The following KCNC2 variants were observed in gnomAD, a reference collection of about 807,000 sequenced individuals.
The protein encoded by KCNC2 is voltage-gated potassium channel KCNC2.
A neutral mutation model predicts 44.5 loss-of-function variants in KCNC2; 21 were observed. That is an observed-to-expected ratio of 0.47 (90% confidence interval 0.33 to 0.68). KCNC2 has a LOEUF of 0.68. Among genes scored for constraint, KCNC2 ranks in the 30% least tolerant of loss-of-function variants. The pLI, the probability that KCNC2 is intolerant of heterozygous loss-of-function variation, is 0.01. For synonymous variants in KCNC2, 391 were observed against 339.1 expected (o/e 1.15, Z -1.68); for missense variants, 589 against 826.2 (o/e 0.71, Z 3.52).
At chr12:75,106,190 T>C (rs1300267465) in intron 2 of KCNC2, among the ~76,000 whole-genome samples, 2 of 152,264 alleles carry the variant, frequency 1.3e-5, no homozygotes, top group African/African-American at 4.8e-5. Context: ...TTAACCTTAG[T>C]TTTAGCTAAG....
chr12:75,138,268 A>G (rs1475453599), intron 2 of KCNC2, among the ~76,000 whole-genome samples: 1 of 152,182 alleles, frequency 6.6e-6, no homozygotes, highest in Non-Finnish European at 1.5e-5. Flanking sequence ...TACCCACTAC[A>G]AAAAGCTCTA....
chr12:75,135,243 C>A (rs1889143872), intron 2 of KCNC2, among the ~76,000 whole-genome samples: 1 of 147,430 alleles, frequency 6.8e-6, no homozygotes, highest in African/African-American at 2.5e-5. Context: ...TTGTTTCTGG[C>A]AAAAATGTAA....
intron 2 of KCNC2, among the ~76,000 whole-genome samples, chr12:75,182,556 A>AAC (rs1892676845): frequency 6.6e-6 from 1 of 151,386 alleles, no homozygotes; most frequent in Admixed American, 6.6e-5. Context: ...ACAAAAAAAA[A>AAC]CAAACAGAAA....
At chr12:75,125,882 C>T (rs1317161619) in intron 2 of KCNC2, among the ~76,000 whole-genome samples, 2 of 152,192 alleles carry the variant, frequency 1.3e-5, no homozygotes, top group African/African-American at 2.4e-5. Context: ...GCTCTCTCAC[C>T]TAGGCTCATC....
chr12:75,086,681 A>AATAT (rs398044519), intron 2 of KCNC2, among the ~76,000 whole-genome samples: 8 of 54,208 alleles, frequency 1.5e-4, no homozygotes, highest in East Asian at 1.1e-3. Context: ...AAAAAAAAAA[A>AATAT]ATATATATAT....
chr12:75,196,237 G>A (rs1300979906), intron 2 of KCNC2, among the ~76,000 whole-genome samples: 1 of 152,026 alleles, frequency 6.6e-6, no homozygotes, highest in Non-Finnish European at 1.5e-5. Flanking sequence ...CTTGCAATAT[G>A]CCTGATTTAT....
At chr12:75,150,851 GTTA>G (rs1816051671) in intron 2 of KCNC2, among the ~76,000 whole-genome samples, 1 of 151,732 alleles carries the variant, frequency 6.6e-6, no homozygotes, top group Non-Finnish European at 1.5e-5. Context: ...TAAAATGAAT[GTTA>G]TTATAAGAAC....
chr12:75,201,121 T>C (rs1235349744), intron 2 of KCNC2, among the ~76,000 whole-genome samples: 2 of 151,004 alleles, frequency 1.3e-5, no homozygotes, highest in Non-Finnish European at 3.0e-5. Flanking sequence ...AATGATTTCC[T>C]GAGATCAATA....
intron 2 of KCNC2, among the ~76,000 whole-genome samples, chr12:75,174,020 C>T (rs1203766839): frequency 2.0e-5 from 3 of 151,598 alleles, no homozygotes; most frequent in Non-Finnish European, 4.4e-5. Context: ...TGATTTTTTT[C>T]ATATTTAGTA....
intron 2 of KCNC2, among the ~76,000 whole-genome samples, chr12:75,187,315 G>C (rs1309661151): frequency 6.6e-6 from 1 of 152,194 alleles, no homozygotes; most frequent in African/African-American, 2.4e-5. Context: ...CTCTAGGAGA[G>C]TACAACCTTA....
chr12:75,099,303 G>A (rs897653344), intron 2 of KCNC2, among the ~76,000 whole-genome samples: 4 of 152,126 alleles, frequency 2.6e-5, no homozygotes, highest in Non-Finnish European at 4.4e-5. Context: ...ACTGTATAAT[G>A]CATTCAAGGG....
chr12:75,109,355 C>T (rs982934930), intron 2 of KCNC2, among the ~76,000 whole-genome samples: 1 of 152,130 alleles, frequency 6.6e-6, no homozygotes, highest in South Asian at 2.1e-4. Context: ...CACCTCTGCG[C>T]TTGATGGCAG....
At chr12:75,100,027 A>T (rs1398581929) in intron 2 of KCNC2, among the ~76,000 whole-genome samples, 2 of 152,178 alleles carry the variant, frequency 1.3e-5, no homozygotes, top group Non-Finnish European at 2.9e-5. Context: ...CTAAGGAGGA[A>T]GAAATACAGT....
At chr12:75,157,295 C>T (rs1165220561) in intron 2 of KCNC2, among the ~76,000 whole-genome samples, 3 of 151,798 alleles carry the variant, frequency 2.0e-5, no homozygotes, top group Non-Finnish European at 4.4e-5. Context: ...TCTTGCTTAA[C>T]TCTGTATATC....
intron 2 of KCNC2, among the ~76,000 whole-genome samples, chr12:75,083,970 G>A (rs1884732179): frequency 6.6e-6 from 1 of 151,832 alleles, no homozygotes; most frequent in African/African-American, 2.4e-5. Context: ...TCTATGAAGT[G>A]GATTGTGAAA....
chr12:75,042,051 G>A lies in KCNC2; in HGVS notation c.*1054C>T, dbSNP rs73357054. ...TTAATCTTTTGACTCAGGAATTTAA[G>A]GCTAGTCAAAAAAGCCTTCTGTGAA... On this transcript the variant is annotated 3_prime_UTR_variant, in exon 5 of 5. Transcript: ENST00000549446. The A allele has an allele frequency of 2.6e-6, 3 of 1,161,062 alleles. No individual in the cohort carries two copies. The highest frequency in any genetic ancestry group is 3.2e-6 in the Non-Finnish European group (3 of 944,112). The allele number at this position is 1,161,062 out of a possible 1,614,324, so 71.9% of individuals were successfully genotyped here. A position where few individuals can be genotyped will look rare whatever the true frequency, so the allele number is the denominator to read the frequency against.
intron 2 of KCNC2, among the ~76,000 whole-genome samples, chr12:75,154,036 G>T (rs987362512): frequency 4.0e-5 from 6 of 151,886 alleles, no homozygotes; most frequent in African/African-American, 1.5e-4. Context: ...AACTCACATT[G>T]TTCAAGAGTC....
chr12:75,056,041 G>T (rs1295580581), intron 2 of KCNC2, among the ~76,000 whole-genome samples: 2 of 151,920 alleles, frequency 1.3e-5, no homozygotes, highest in African/African-American at 2.4e-5. Flanking sequence ...TAATATTGCA[G>T]CAATTTTCAC....
chr12:75,182,716 C>T (rs1206841270), intron 2 of KCNC2, among the ~76,000 whole-genome samples: 1 of 152,074 alleles, frequency 6.6e-6, no homozygotes, highest in Non-Finnish European at 1.5e-5. Flanking sequence ...GTTAACACCT[C>T]CAGCAGGGTT....
Sources: allele counts gnomAD v4.1 joint callset (sites outside exome capture counted in the v4.1 genomes callset), GRCh38; gene constraint gnomAD v4.1.1; transcripts MANE v1.5; gene names NCBI Gene and HGNC (gene_info 2026-07-23, HGNC 2026-07-21).